Variants in PRKCI observed in about 807,000 individuals in gnomAD.
PRKCI encodes the protein protein kinase C iota, also known as protein kinase C iota type.
PRKCI carries 43 observed loss-of-function variants against 84.0 expected under a neutral mutation model. That is an observed-to-expected ratio of 0.51 (90% confidence interval 0.40 to 0.66). PRKCI has a LOEUF of 0.66. Ranked by LOEUF, PRKCI falls within the 30% of genes least tolerant of loss-of-function variation. The probability of loss-of-function intolerance (pLI) is 0.00; values close to 1 mark genes in which losing one functional copy is unlikely to be tolerated. For synonymous variants in PRKCI, 216 were observed against 234.4 expected (o/e 0.92, Z 0.72); for missense variants, 459 against 745.6 (o/e 0.62, Z 4.48).
chr3:170,231,021 G>A (rs557881686), intron 1 of PRKCI, among the ~76,000 whole-genome samples: 118 of 148,458 alleles, frequency 7.9e-4, no homozygotes, highest in African/African-American at 2.8e-3. Context: ...GCGCAGTGGC[G>A]TGATCTTGGC....
In PRKCI at chr3:170,222,748, C is replaced by G; in HGVS notation, c.79C>G (p.Arg27Gly). The G allele has an allele frequency of 6.9e-7, 1 of 1,447,756 alleles. No individual in the cohort carries two copies. The highest frequency in any genetic ancestry group is 9.3e-7 in the Non-Finnish European group (1 of 1,077,470). The allele number at this position is 1,447,756 out of a possible 1,614,324, so 89.7% of individuals were successfully genotyped here. The part of the protein sequence containing the change: ...GGSGDHSHQV[R>G]VKAYYRGDIM... The stretch of plus-strand genomic sequence containing the variant: ...CAGCGGGGACCATTCCCACCAGGTC[C>G]GGGTGAAAGCCTACTACCGCGGGTG... Residue 27 changes from arginine (R) to glycine (G), a missense_variant, in exon 1 of 18, where the codon CGG (arginine) becomes GGG (glycine). This residue lies in a region of PRKCI where 250 missense variants were observed against 319.7 expected (regional missense o/e 0.78). Coordinates refer to ENST00000295797, the MANE Select transcript of PRKCI (RefSeq NM_002740.6).
rs1261165775 is a variant in PRKCI, at chr3:170,222,530, C to T, written c.-140C>T. On this transcript the variant is annotated 5_prime_UTR_variant, in exon 1 of 18. Coordinates refer to ENST00000295797, the MANE Select transcript of PRKCI (RefSeq NM_002740.6). ...TGCTCCGGCGAGGCGACCCTTGGGTCGGCGCTGCGGGCGAGGTGGGCAGGT... is the reference window on the plus strand; with the variant it reads ...TGCTCCGGCGAGGCGACCCTTGGGTTGGCGCTGCGGGCGAGGTGGGCAGGT... 2.9e-6 allele frequency: 2 copies of T among 698,572 alleles called. No individual in the cohort carries two copies. The highest frequency in any genetic ancestry group is 4.4e-6 in the Non-Finnish European group (2 of 459,192). The allele number at this position is 698,572 out of a possible 1,614,324, so 43.3% of individuals were successfully genotyped here.
At position 170,270,576 on chromosome 3, in the gene PRKCI, C is replaced by CTTTTTTT. The variant is rs75266191; in HGVS notation, c.591+29_591+35dup. 1.7e-4 allele frequency: 238 copies of CTTTTTTT among 1,365,216 alleles called. No homozygotes were observed. The African/African-American group carries it at 3.2e-3, about 19-fold the overall frequency. The allele number at this position is 1,365,216 out of a possible 1,614,324, so 84.6% of individuals were successfully genotyped here. On this transcript the variant is annotated intron_variant, in intron 6 of 17. Coordinates refer to ENST00000295797, the MANE Select transcript of PRKCI (RefSeq NM_002740.6). ...CTTTGCCACAGGTAAGATGTCTGTC[C>CTTTTTTT]TTTTTTTTTTTTTTTTTTTTAAGAG... is the stretch of plus-strand genomic sequence containing the variant.
At position 170,250,907 on chromosome 3, in the gene PRKCI, G is replaced by C. The variant is rs539113488; in HGVS notation, c.224-9062G>C. ...CAAAAATAGTGTACCTGTGTAGTGT[G>C]GTTAAATCATGTTGACCTCACTCTC... On this transcript the variant is annotated intron_variant, in intron 2 of 17. Coordinates refer to ENST00000295797, the MANE Select transcript of PRKCI (RefSeq NM_002740.6). Among the ~76,000 whole-genome samples, 10 of 152,086 alleles carry C rather than the reference G, an allele frequency of 6.6e-5. No homozygotes were observed. The South Asian group carries it at 2.1e-3, about 32-fold the overall frequency.
At chr3:170,239,387 A>G (rs554368869) in intron 2 of PRKCI, among the ~76,000 whole-genome samples, 24 of 152,336 alleles carry the variant, frequency 1.6e-4, no homozygotes, top group African/African-American at 5.8e-4. Context: ...TATGCTTAGC[A>G]TTCAATAAAA....
At chr3:170,258,162 C>A (rs1433794975) in intron 2 of PRKCI, among the ~76,000 whole-genome samples, 1 of 151,350 alleles carries the variant, frequency 6.6e-6, no homozygotes, top group Non-Finnish European at 1.5e-5. Flanking sequence ...GTTTTTCTTT[C>A]TCAATTAGCA....
intron 1 of PRKCI, among the ~76,000 whole-genome samples, chr3:170,230,726 A>G (rs1261616197): frequency 6.6e-6 from 1 of 152,034 alleles, no homozygotes; most frequent in Non-Finnish European, 1.5e-5. Flanking sequence ...TTTTTCTCCA[A>G]AATTTATTCT....
At chr3:170,257,587 GT>G (rs1314739204) in intron 2 of PRKCI, among the ~76,000 whole-genome samples, 4 of 151,668 alleles carry the variant, frequency 2.6e-5, no homozygotes, top group Admixed American at 6.6e-5. Flanking sequence ...GTTTCCTCCA[GT>G]TTTAGTCTCT....
intron 14 of PRKCI, among the ~76,000 whole-genome samples, chr3:170,295,526 A>G (rs1357888154): frequency 1.3e-5 from 2 of 151,246 alleles, no homozygotes; most frequent in Non-Finnish European, 2.9e-5. Flanking sequence ...AAAACACAAA[A>G]CTCACTGGGC....
At chr3:170,232,388 C>G (rs537809676) in intron 1 of PRKCI, among the ~76,000 whole-genome samples, 5 of 151,576 alleles carry the variant, frequency 3.3e-5, no homozygotes, top group African/African-American at 7.3e-5. Context: ...TTTTTTGAGT[C>G]AGTGTCTTCC....
intron 3 of PRKCI, among the ~76,000 whole-genome samples, chr3:170,260,609 T>C (rs1177111621): frequency 1.3e-5 from 2 of 152,132 alleles, no homozygotes; most frequent in Non-Finnish European, 2.9e-5. Context: ...TGCACCACCA[T>C]GGCTGGCTAA....
chr3:170,239,273 A>G (rs919979905), intron 2 of PRKCI, among the ~76,000 whole-genome samples: 1 of 152,190 alleles, frequency 6.6e-6, no homozygotes, highest in Non-Finnish European at 1.5e-5. Context: ...CTACCCTATC[A>G]CAAAGATAGT....
At chr3:170,235,478 G>T in intron 2 of PRKCI, 127 bp downstream of exon 2, 176 of 963,154 alleles carry the variant, frequency 1.8e-4, no homozygotes, top group South Asian at 1.0e-3. Flanking sequence ...TGCCATTCTT[G>T]TTTTTTCTTT....
chr3:170,282,362 T>G (rs1734268771), intron 11 of PRKCI, among the ~76,000 whole-genome samples: 1 of 152,112 alleles, frequency 6.6e-6, no homozygotes, highest in African/African-American at 2.4e-5. Context: ...AGAGAGTTCT[T>G]CACGATAAGA....
intron 2 of PRKCI, among the ~76,000 whole-genome samples, 195 bp downstream of exon 2, chr3:170,235,546 A>G (rs1732948924): frequency 6.6e-6 from 1 of 151,476 alleles, no homozygotes; most frequent in Admixed American, 6.6e-5. Context: ...TTACGCCAAA[A>G]TGATGTGAAA....
At chr3:170,282,687 A>T (rs1577368454) in intron 11 of PRKCI, among the ~76,000 whole-genome samples, 1 of 143,828 alleles carries the variant, frequency 7.0e-6, no homozygotes, top group East Asian at 2.1e-4. Context: ...ACAGAGCAAG[A>T]CTCTGTCTCA....
intron 10 of PRKCI, 96 bp downstream of exon 10, chr3:170,281,359 TC>T: frequency 1.1e-6 from 1 of 926,238 alleles, no homozygotes; most frequent in East Asian, 2.5e-5. Flanking sequence ...GAAGTTGATA[TC>T]ATGGAGGATG....
chr3:170,227,005 A>T (rs532691099), intron 1 of PRKCI, among the ~76,000 whole-genome samples: 22 of 152,348 alleles, frequency 1.4e-4, no homozygotes, highest in Non-Finnish European at 1.9e-4. Flanking sequence ...AGTTGGAGGG[A>T]GAGTCTGGCG....
intron 12 of PRKCI, among the ~76,000 whole-genome samples, chr3:170,286,920 A>G (rs996851860): frequency 6.6e-6 from 1 of 151,444 alleles, no homozygotes; most frequent in African/African-American, 2.4e-5. Context: ...CTCTGGAGGC[A>G]CTTTCCTCAG....
Sources: gnomAD v4.1 joint callset for allele counts (sites outside exome capture counted in the v4.1 genomes callset) on GRCh38, gnomAD v4.1.1 for gene constraint, gnomAD v4.1.1 regional missense constraint, MANE v1.5 for transcripts, NCBI Gene and HGNC (gene_info 2026-07-23, HGNC 2026-07-21) for gene names.